BET1: variants seen among roughly 807,000 people sequenced by gnomAD.
BET1 encodes the protein Bet1 golgi vesicular membrane trafficking protein, also known as BET1 homolog.
In BET1, 9 loss-of-function variants were observed where a neutral mutation model predicts 13.9. The ratio of observed to expected loss-of-function variants is 0.65; its 90% confidence interval spans 0.39 to 1.13. The LOEUF is 1.13. Ranked by LOEUF, BET1 falls within the 50% of genes most tolerant of loss-of-function variation. BET1 has a pLI of 0.01. For synonymous variants in BET1, 39 were observed against 47.3 expected (o/e 0.82, Z 0.72); for missense variants, 127 against 133.6 (o/e 0.95, Z 0.24).
At chr7:93,993,040 C>T (rs1795671350), downstream of BET1, 1 of 983,138 alleles carries the variant, frequency 1.0e-6, no homozygotes, top group South Asian at 4.7e-5. Flanking sequence ...GAATTGAAAA[C>T]TCAGTAAAAT....
In BET1 at chr7:93,972,678, A is replaced by C. The variant is rs372007937; in HGVS notation, c.*49-15T>G. On this transcript the variant is annotated splice_polypyrimidine_tract_variant and intron_variant and NMD_transcript_variant, in intron 5 of 6. Coordinates refer to the BET1 transcript ENST00000357520. ...AATAAGGATTCCTGCATGGAGATAA[A>C]ATTGAATATTATTTTTTCCTATTAT... is the stretch of plus-strand genomic sequence containing the variant. 2.0e-4 allele frequency: 31 copies of C among 151,952 alleles called. No individual in the cohort carries two copies. The East Asian group carries it at 5.6e-3, about 28-fold the overall frequency. The allele number at this position is 151,952 out of a possible 1,614,324, so 9.4% of individuals were successfully genotyped here. A position where few individuals can be genotyped will look rare whatever the true frequency, so the allele number is the denominator to read the frequency against.
At chr7:93,976,844 T>C (rs1795344569) in intron 4 of BET1, among the ~76,000 whole-genome samples, 1 of 152,054 alleles carries the variant, frequency 6.6e-6, no homozygotes, top group Non-Finnish European at 1.5e-5. Flanking sequence ...CACTTTCCCA[T>C]GAGTCTCCAA....
At chr7:93,992,111 G>A, downstream of BET1, 6 of 985,340 alleles carry the variant, frequency 6.1e-6, no homozygotes, top group Non-Finnish European at 7.2e-6. Context: ...GGAGTTCCCT[G>A]CCTGCCAGGA....
At chr7:93,990,433 TATAA>T (rs949770941), downstream of BET1, among the ~76,000 whole-genome samples, 5 of 152,134 alleles carry the variant, frequency 3.3e-5, no homozygotes, top group African/African-American at 1.2e-4. Context: ...GGTTTTTCAT[TATAA>T]ATATATTAAT....
intron 4 of BET1, chr7:93,987,117 T>C (rs994472185): frequency 6.6e-6 from 1 of 152,124 alleles, no homozygotes; most frequent in African/African-American, 2.4e-5. Context: ...TTTTTTGTTT[T>C]TGTTTTTTGT....
chr7:93,991,730 T>A (rs1795639844), downstream of BET1: 1 of 894,672 alleles, frequency 1.1e-6, no homozygotes, highest in Non-Finnish European at 1.3e-6. Flanking sequence ...GCTCAGGCAG[T>A]GTAACTTCAT....
intron 5 of BET1, chr7:93,972,712 G>A (rs766039617): frequency 4.6e-5 from 7 of 151,688 alleles, no homozygotes; most frequent in Non-Finnish European, 8.8e-5. Context: ...ATTTTTGATA[G>A]CCATTTCCTA....
intron 4 of BET1, among the ~76,000 whole-genome samples, chr7:93,985,456 A>C (rs140836392): frequency 1.3e-4 from 20 of 152,308 alleles, no homozygotes; most frequent in Non-Finnish European, 2.6e-4. Context: ...CTCTCACCCA[A>C]TAAATGGTTA....
intron 1 of BET1, among the ~76,000 whole-genome samples, chr7:94,002,774 C>G (rs1795938695): frequency 6.6e-6 from 1 of 152,184 alleles, no homozygotes; most frequent in Non-Finnish European, 1.5e-5. Flanking sequence ...CCCAAACTGG[C>G]TTAATCATAA....
chr7:93,995,010 AT>A (rs1171457101), intron 3 of BET1, among the ~76,000 whole-genome samples: 1 of 151,902 alleles, frequency 6.6e-6, no homozygotes, highest in Admixed American at 6.6e-5. Context: ...CGCCCAGCTA[AT>A]TTTTTTGTAT....
chr7:93,972,239 T>C (rs1795269093), intron 6 of BET1: 2 of 152,028 alleles, frequency 1.3e-5, no homozygotes, highest in South Asian at 4.1e-4. Context: ...GTAAGTTCAA[T>C]AACATTGCCT....
intron 3 of BET1, chr7:93,995,932 A>T (rs1562807290): frequency 2.7e-6 from 1 of 365,274 alleles, no homozygotes; most frequent in African/African-American, 2.1e-5. Context: ...GTGCCTTTTG[A>T]TTGCTTGGTT....
exon 7 of BET1, chr7:93,962,855 C>T (rs1795114995): frequency 6.6e-6 from 1 of 151,198 alleles, no homozygotes; most frequent in Non-Finnish European, 1.5e-5. Flanking sequence ...AGATTCCCAA[C>T]AGTTCACAGC....
chr7:93,977,173 TGGA>T (rs1337329346), intron 4 of BET1, among the ~76,000 whole-genome samples: 2 of 152,110 alleles, frequency 1.3e-5, no homozygotes, highest in East Asian at 3.9e-4. Flanking sequence ...TCAAAGATGT[TGGA>T]GGGGCTGGGT....
At chr7:93,974,726 C>T (rs1795310478) in intron 5 of BET1, among the ~76,000 whole-genome samples, 1 of 151,790 alleles carries the variant, frequency 6.6e-6, no homozygotes. Context: ...TGGAAAATCA[C>T]CATTAGAACA....
chr7:93,986,571 CTTAAT>C (rs1177061260), intron 4 of BET1, among the ~76,000 whole-genome samples: 1 of 152,174 alleles, frequency 6.6e-6, no homozygotes, highest in African/African-American at 2.4e-5. Flanking sequence ...TGAATACGTT[CTTAAT>C]TTATGTGCCA....
chr7:93,988,000 C>T (rs1458495543), intron 4 of BET1, among the ~76,000 whole-genome samples: 1 of 152,148 alleles, frequency 6.6e-6, no homozygotes, highest in African/African-American at 2.4e-5. Context: ...CTTAAAGAAG[C>T]TCAGCTAGTA....
chr7:94,004,271 C>G lies in BET1; in HGVS notation c.-55G>C. The stretch of plus-strand genomic sequence containing the variant: ...TGCGGGGCTTTGGGTGAGTAGGAAA[C>G]AGCTAGGGGCGACCCGGACCGCGTC... On this transcript the variant is annotated 5_prime_UTR_variant, in exon 1 of 4. Coordinates refer to ENST00000222547, the MANE Select transcript of BET1 (RefSeq NM_005868.6). 1 of 1,612,686 alleles carries G rather than the reference C, an allele frequency of 6.2e-7. No individual in the cohort carries two copies.
At chr7:93,968,259 A>G (rs1333809761) in intron 6 of BET1, 1 of 151,838 alleles carries the variant, frequency 6.6e-6, no homozygotes, top group Non-Finnish European at 1.5e-5. Flanking sequence ...AATACACCTG[A>G]TTTTAAAAGT....
Sources: gnomAD v4.1 joint callset for allele counts (sites outside exome capture counted in the v4.1 genomes callset) on GRCh38, gnomAD v4.1.1 for gene constraint, MANE v1.5 for transcripts, NCBI Gene and HGNC (gene_info 2026-07-23, HGNC 2026-07-21) for gene names.